CTNNA3: variants seen among roughly 807,000 people sequenced by gnomAD.
The protein encoded by CTNNA3 is catenin alpha-3.
Under a neutral mutation model 95.7 loss-of-function variants are expected in CTNNA3, and 76 were observed. That is an observed-to-expected ratio of 0.79 (90% CI 0.66 to 0.96). CTNNA3 has a LOEUF of 0.96. Ranked by LOEUF, CTNNA3 falls within the 40% of genes least tolerant of loss-of-function variation. The probability of loss-of-function intolerance (pLI) is 0.00; values close to 1 mark genes in which losing one functional copy is unlikely to be tolerated. For missense variants in CTNNA3, 1,191 were observed against 1,089.8 expected (o/e 1.09, Z -1.31); for synonymous variants, 431 against 374.4 (o/e 1.15, Z -1.74).
At chr10:66,256,707 G>A (rs149676043) in intron 13 of CTNNA3, among the ~76,000 whole-genome samples, 3 of 149,614 alleles carry the variant, frequency 2.0e-5, no homozygotes, top group African/African-American at 7.5e-5. Flanking sequence ...GGCAACAAGA[G>A]TGAGACATTG....
chr10:67,661,240 C>CA lies in CTNNA3; in HGVS notation c.-5-13723dup, dbSNP rs894815460. ...ATTAATTGCAGCAATTTTACTAAAACAAAAAAAAAAGAGAGAGAGAGAAAA... is the reference window on the plus strand; with the variant it reads ...ATTAATTGCAGCAATTTTACTAAAACAAAAAAAAAAAGAGAGAGAGAGAAAA... On this transcript the variant is annotated intron_variant, in intron 1 of 17. Coordinates refer to ENST00000433211, the MANE Select transcript of CTNNA3 (RefSeq NM_013266.4). Among the ~76,000 whole-genome samples the CA allele has an allele frequency of 4.9e-3, 172 of 35,260 alleles. 1 individual carries two copies. Among genetic ancestry groups the CA allele is most frequent in the Middle Eastern group, 0.034 (2 of 58 alleles). The allele number at this position is 35,260 out of a possible 152,430, so 23.1% of individuals were successfully genotyped here. A position where few individuals can be genotyped will look rare whatever the true frequency, so the allele number is the denominator to read the frequency against.
chr10:66,047,075 A>G (rs1187811054), intron 15 of CTNNA3, among the ~76,000 whole-genome samples: 1 of 152,184 alleles, frequency 6.6e-6, no homozygotes, highest in Non-Finnish European at 1.5e-5. Context: ...TACCATTCCT[A>G]CTGAAACTAT....
At chr10:66,353,923 C>A (rs1195068519) in intron 12 of CTNNA3, among the ~76,000 whole-genome samples, 2 of 151,766 alleles carry the variant, frequency 1.3e-5, no homozygotes, top group African/African-American at 4.8e-5. Context: ...CACACAAAAT[C>A]TCAAAAATGT....
At chr10:66,822,703 T>G (rs1447812674) in intron 7 of CTNNA3, among the ~76,000 whole-genome samples, 2 of 152,198 alleles carry the variant, frequency 1.3e-5, no homozygotes, top group Admixed American at 6.5e-5. Context: ...AGAAAGTTAC[T>G]GCTTTTACTT....
At chr10:67,441,325 G>A (rs925032594) in intron 5 of CTNNA3, among the ~76,000 whole-genome samples, 33 of 150,616 alleles carry the variant, frequency 2.2e-4, no homozygotes, top group Admixed American at 1.9e-3. Context: ...AAATAGCCTC[G>A]AAAGGGCAAA....
intron 11 of CTNNA3, among the ~76,000 whole-genome samples, chr10:66,497,439 T>G (rs1278979499): frequency 6.6e-6 from 1 of 151,922 alleles, no homozygotes; most frequent in Non-Finnish European, 1.5e-5. Context: ...TTTTCTAGGA[T>G]GAGATTTCAG....
chr10:66,075,472 T>G (rs2080532644), intron 14 of CTNNA3, among the ~76,000 whole-genome samples: 1 of 151,694 alleles, frequency 6.6e-6, no homozygotes, highest in African/African-American at 2.4e-5. Flanking sequence ...TGGAATATAT[T>G]AGGGACTCAG....
chr10:66,453,721 A>T (rs374510700), intron 11 of CTNNA3, among the ~76,000 whole-genome samples: 54 of 152,356 alleles, frequency 3.5e-4, no homozygotes, highest in African/African-American at 1.2e-3. Context: ...GGAACCACAG[A>T]CAATAGGATG....
chr10:66,141,498 A>G (rs1410967594), intron 13 of CTNNA3, among the ~76,000 whole-genome samples: 1 of 152,164 alleles, frequency 6.6e-6, no homozygotes, highest in Non-Finnish European at 1.5e-5. Context: ...AAACTGTAAA[A>G]TCAACATATA....
In CTNNA3 at chr10:65,916,024, C is replaced by T. The variant is rs938579237; in HGVS notation, c.*4306G>A. 2.0e-5 allele frequency: 3 copies of T among 152,028 alleles called. No homozygotes were observed. The highest frequency in any genetic ancestry group is 4.8e-5 in the African/African-American group (2 of 41,422). 9.4% of individuals were successfully genotyped at this position (152,028 alleles called of 1,614,324 possible). On this transcript the variant is annotated 3_prime_UTR_variant, in exon 18 of 18. Transcript: ENST00000433211. ...AAACCAAAATGCCAAAATAAAAACT[C>T]TCAAACTGCTATTGTTATTAGTCCT...
intron 7 of CTNNA3, among the ~76,000 whole-genome samples, chr10:67,042,431 T>G (rs1167337569): frequency 6.6e-6 from 1 of 152,172 alleles, no homozygotes; most frequent in African/African-American, 2.4e-5. Context: ...GAGTATCACA[T>G]TATTTGAGTT....
intron 11 of CTNNA3, among the ~76,000 whole-genome samples, chr10:66,493,503 C>A (rs889284825): frequency 4.0e-5 from 6 of 150,740 alleles, no homozygotes; most frequent in African/African-American, 9.8e-5. Context: ...TCATTTAATT[C>A]TTTGGGAGTC....
At chr10:67,708,232 C>T (rs762080342) in intron 1 of CTNNA3, among the ~76,000 whole-genome samples, 34 of 152,136 alleles carry the variant, frequency 2.2e-4, no homozygotes, top group Non-Finnish European at 4.4e-4. Context: ...ATAACCTTAA[C>T]AAGCAGAGTA....
intron 12 of CTNNA3, among the ~76,000 whole-genome samples, chr10:66,360,734 TTC>T (rs2092657613): frequency 2.3e-5 from 2 of 88,254 alleles, no homozygotes; most frequent in East Asian, 1.4e-3. Flanking sequence ...CTTTCTTTCT[TTC>T]TTTCTTTCTT....
intron 14 of CTNNA3, among the ~76,000 whole-genome samples, chr10:66,072,535 C>T (rs2080461848): frequency 6.6e-6 from 1 of 152,096 alleles, no homozygotes; most frequent in African/African-American, 2.4e-5. Flanking sequence ...ACCTCTACCT[C>T]CTAGATTCAA....
chr10:67,235,760 A>G (rs1403393501), intron 5 of CTNNA3, among the ~76,000 whole-genome samples: 1 of 144,068 alleles, frequency 6.9e-6, no homozygotes, highest in African/African-American at 2.7e-5. Flanking sequence ...TTTGCAATCT[A>G]CTCATCTGAC....
chr10:67,676,612 G>C (rs1400234178), intron 1 of CTNNA3, among the ~76,000 whole-genome samples: 1 of 152,144 alleles, frequency 6.6e-6, no homozygotes, highest in Non-Finnish European at 1.5e-5. Flanking sequence ...AAGTGGATTA[G>C]AATACAAGTG....
intron 13 of CTNNA3, among the ~76,000 whole-genome samples, chr10:66,259,961 T>C (rs1270854329): frequency 6.6e-6 from 1 of 152,176 alleles, no homozygotes; most frequent in African/African-American, 2.4e-5. Context: ...TTTGCTTTTT[T>C]CCTTGGCTAT....
At chr10:66,147,000 G>T (rs116542252) in intron 13 of CTNNA3, among the ~76,000 whole-genome samples, 3 of 152,138 alleles carry the variant, frequency 2.0e-5, no homozygotes, top group African/African-American at 7.2e-5. Context: ...AAATGCTTTT[G>T]TTCTGAGGAT....
Sources: gnomAD v4.1 joint callset for allele counts (sites outside exome capture counted in the v4.1 genomes callset) on GRCh38, gnomAD v4.1.1 for gene constraint, MANE v1.5 for transcripts, NCBI Gene and HGNC (gene_info 2026-07-23, HGNC 2026-07-21) for gene names.